CAB39L: variants seen among roughly 807,000 people sequenced by gnomAD.
The protein encoded by CAB39L is calcium binding protein 39 like, also known as calcium-binding protein 39-like.
CAB39L carries 23 observed loss-of-function variants against 39.1 expected under a neutral mutation model. That is an observed-to-expected ratio of 0.59 (90% CI 0.42 to 0.83). CAB39L has a LOEUF of 0.83. CAB39L is among the 40% of genes least tolerant of loss of function. The probability of loss-of-function intolerance (pLI) is 0.00; values close to 1 mark genes in which losing one functional copy is unlikely to be tolerated. For missense variants in CAB39L, 366 were observed against 391.9 expected, an observed-to-expected ratio of 0.93 and a Z score of 0.56; for synonymous variants, 126 against 137.2, an observed-to-expected ratio of 0.92 and a Z score of 0.57.
chr13:49,383,057 AG>A (rs1956282608), intron 3 of CAB39L, 116 bp from the exon 4 acceptor site: 2 of 448,804 alleles, frequency 4.5e-6, no homozygotes, highest in African/African-American at 2.1e-5. Flanking sequence ...AAACATTAAA[AG>A]TGATCAAATT....
At position 49,426,259 on chromosome 13, in the gene CAB39L, G is replaced by A. The variant is rs776013716; in HGVS notation, c.-32+7059C>T. Among the ~76,000 whole-genome samples the A allele has an allele frequency of 1.8e-4, 27 of 152,178 alleles. 1 individual carries two copies. Among genetic ancestry groups the A allele is most frequent in the South Asian group, 1.7e-3 (8 of 4,810 alleles). Reference sequence around the variant, plus strand: ...TCTTTCTTTAGAGGCCCTTTTATGTGACTGAAAAGTACTCTGAGGCAGAAA... The same window carrying A: ...TCTTTCTTTAGAGGCCCTTTTATGTAACTGAAAAGTACTCTGAGGCAGAAA... On this transcript the variant is annotated intron_variant, in intron 3 of 10. Transcript: ENST00000409308.
At chr13:49,432,793 C>A (rs941853108) in intron 3 of CAB39L, among the ~76,000 whole-genome samples, 4 of 152,118 alleles carry the variant, frequency 2.6e-5, no homozygotes, top group African/African-American at 9.7e-5. Flanking sequence ...TGAATGTGAG[C>A]TGATAACCAA....
intron 3 of CAB39L, 63 bp from the exon 4 acceptor site, chr13:49,383,004 C>G (rs1348461347): frequency 4.7e-6 from 3 of 641,314 alleles, no homozygotes; most frequent in Non-Finnish European, 8.1e-6. Context: ...AATTTTTATA[C>G]CAATGTCTTA....
intron 6 of CAB39L, among the ~76,000 whole-genome samples, chr13:49,351,921 T>C (rs1316724089): frequency 4.6e-5 from 7 of 152,144 alleles, no homozygotes; most frequent in Non-Finnish European, 1.0e-4. Context: ...AATAAACTAG[T>C]AGAGGAACAA....
intron 4 of CAB39L, among the ~76,000 whole-genome samples, chr13:49,382,063 T>A (rs1198505541): frequency 6.6e-6 from 1 of 152,220 alleles, no homozygotes; most frequent in Non-Finnish European, 1.5e-5. Flanking sequence ...AGTTGTGTAA[T>A]CTGAATTTAT....
intron 3 of CAB39L, among the ~76,000 whole-genome samples, chr13:49,385,240 T>G (rs1193508476): frequency 1.3e-5 from 2 of 152,230 alleles, no homozygotes; most frequent in Non-Finnish European, 2.9e-5. Context: ...GATGGCTTCT[T>G]TCTTTAAACC....
At chr13:49,425,733 T>G (rs755882769) in intron 3 of CAB39L, among the ~76,000 whole-genome samples, 5 of 152,144 alleles carry the variant, frequency 3.3e-5, no homozygotes, top group Non-Finnish European at 5.9e-5. Context: ...AGGAGGGAAA[T>G]GCAAAGTACA....
At chr13:49,396,948 A>G (rs1227893022) in intron 3 of CAB39L, among the ~76,000 whole-genome samples, 1 of 152,164 alleles carries the variant, frequency 6.6e-6, no homozygotes, top group Non-Finnish European at 1.5e-5. Context: ...CTTAAAACAA[A>G]AAAGTGCACC....
chr13:49,434,084 AC>A lies in CAB39L; in HGVS notation c.-108+1del, dbSNP rs1233047370. The A allele has an allele frequency of 2.2e-6, 1 of 445,474 alleles. No individual in the cohort carries two copies. Among genetic ancestry groups the A allele is most frequent in the Non-Finnish European group, 4.5e-6 (1 of 223,978 alleles). The allele number at this position is 445,474 out of a possible 1,614,324, so 27.6% of individuals were successfully genotyped here. A position where few individuals can be genotyped will look rare whatever the true frequency, so the allele number is the denominator to read the frequency against. On this transcript the variant is annotated splice_donor_variant, in intron 2 of 10. Coordinates refer to ENST00000409308, the MANE Select transcript of CAB39L (RefSeq NM_001079670.3). LOFTEE classifies it low-confidence loss of function (5UTR_SPLICE). Reference sequence around the variant, plus strand: ...CCCCATCAGAAATAAGAGAAAACTTACGCTTCTCTCCTTTAGTGCATTGCTC... The same window carrying A: ...CCCCATCAGAAATAAGAGAAAACTTAGCTTCTCTCCTTTAGTGCATTGCTC...
intron 1 of CAB39L, among the ~76,000 whole-genome samples, chr13:49,438,636 T>C (rs763839326): frequency 3.3e-5 from 5 of 152,222 alleles, no homozygotes; most frequent in Non-Finnish European, 5.9e-5. Context: ...ACATAAAATG[T>C]TGCCACCAAA....
chr13:49,343,590 A>G (rs1955062955), intron 8 of CAB39L, among the ~76,000 whole-genome samples: 1 of 145,060 alleles, frequency 6.9e-6, no homozygotes, highest in Admixed American at 6.8e-5. Context: ...GAAGAAAGAG[A>G]GAAGGGGAGA....
At chr13:49,418,706 G>T (rs1273381755) in intron 3 of CAB39L, among the ~76,000 whole-genome samples, 1 of 152,068 alleles carries the variant, frequency 6.6e-6, no homozygotes, top group Non-Finnish European at 1.5e-5. Flanking sequence ...GGGATTACAG[G>T]CATGTGCAAC....
chr13:49,359,591 A>G, intron 6 of CAB39L, 123 bp downstream of exon 6: 1 of 566,362 alleles, frequency 1.8e-6, no homozygotes, highest in Non-Finnish European at 3.1e-6. Context: ...GACCTCACAC[A>G]TGACAAATAC....
chr13:49,441,972 C>A (rs1957532856), intron 1 of CAB39L, among the ~76,000 whole-genome samples: 1 of 152,142 alleles, frequency 6.6e-6, no homozygotes, highest in Non-Finnish European at 1.5e-5. Context: ...GGTGGCTGTA[C>A]TATTTGCAGT....
In CAB39L at chr13:49,309,576, G is replaced by A. The variant is rs560396104; in HGVS notation, c.*1238C>T. The stretch of plus-strand genomic sequence containing the variant: ...TTGTAAAATATCGCTTTAAAATCCC[G>A]TTTTAGATGGTTGATGTCTGAAACG... On this transcript the variant is annotated 3_prime_UTR_variant, in exon 11 of 11. Coordinates refer to ENST00000409308, the MANE Select transcript of CAB39L (RefSeq NM_001079670.3). 9.9e-5 allele frequency: 15 copies of A among 152,254 alleles called. No homozygotes were observed. Among genetic ancestry groups the A allele is most frequent in the African/African-American group, 2.9e-4 (12 of 41,546 alleles). The allele number at this position is 152,254 out of a possible 1,614,324, so 9.4% of individuals were successfully genotyped here.
chr13:49,380,728 T>C (rs1305531924), intron 4 of CAB39L, among the ~76,000 whole-genome samples: 1 of 152,196 alleles, frequency 6.6e-6, no homozygotes, highest in African/African-American at 2.4e-5. Flanking sequence ...ATTAATTTAG[T>C]TAACAATTTG....
intron 3 of CAB39L, among the ~76,000 whole-genome samples, chr13:49,411,290 A>G (rs960086844): frequency 1.3e-5 from 2 of 151,642 alleles, no homozygotes; most frequent in South Asian, 2.1e-4. Context: ...TGTGCCTGTA[A>G]TCCCAGCTAC....
At chr13:49,404,775 T>C (rs1389023317) in intron 3 of CAB39L, among the ~76,000 whole-genome samples, 1 of 152,110 alleles carries the variant, frequency 6.6e-6, no homozygotes, top group African/African-American at 2.4e-5. Context: ...AGCTGAAAAA[T>C]TTAATTGACA....
intron 10 of CAB39L, among the ~76,000 whole-genome samples, chr13:49,321,447 T>A (rs1262037150): frequency 6.6e-6 from 1 of 152,222 alleles, no homozygotes; most frequent in Non-Finnish European, 1.5e-5. Flanking sequence ...TATTCTTTTA[T>A]CTTGACAACG....
Sources: allele counts gnomAD v4.1 joint callset (sites outside exome capture counted in the v4.1 genomes callset), GRCh38; gene constraint gnomAD v4.1.1; transcripts MANE v1.5; gene names NCBI Gene and HGNC (gene_info 2026-07-23, HGNC 2026-07-21).